The following IGF1R variants were observed in gnomAD, a reference collection of about 807,000 sequenced individuals.
IGF1R encodes the protein insulin like growth factor 1 receptor, also known as insulin-like growth factor 1 receptor.
In IGF1R, 44 loss-of-function variants were observed where a neutral mutation model predicts 144.6. The ratio of observed to expected loss-of-function variants is 0.30; its 90% CI spans 0.24 to 0.39. The LOEUF (loss-of-function observed/expected upper bound fraction) is 0.39. Ranked by LOEUF, IGF1R falls within the 10% of genes least tolerant of loss-of-function variation. The pLI is 1.00. For missense variants in IGF1R, 1,355 were observed against 1,833.7 expected (o/e 0.74, Z 4.77); for synonymous variants, 795 against 722.8 (o/e 1.10, Z -1.60).
At chr15:98,834,978 G>A (rs1047393677) in intron 2 of IGF1R, among the ~76,000 whole-genome samples, 1 of 152,100 alleles carries the variant, frequency 6.6e-6, no homozygotes, top group Admixed American at 6.5e-5. Context: ...GATGGCGAGT[G>A]TTGAGATGTC....
chr15:98,718,986 A>G (rs1265446187), intron 2 of IGF1R, among the ~76,000 whole-genome samples: 3 of 151,808 alleles, frequency 2.0e-5, no homozygotes, highest in Non-Finnish European at 4.4e-5. Context: ...CTATTTCTTG[A>G]CCTCTGAATG....
chr15:98,902,667 G>C (rs1394540138), intron 5 of IGF1R, among the ~76,000 whole-genome samples: 1 of 152,074 alleles, frequency 6.6e-6, no homozygotes, highest in Non-Finnish European at 1.5e-5. Flanking sequence ...GCCCGCCTCA[G>C]CCTCCCAATG....
rs754639884 is a variant in IGF1R, at chr15:98,916,020, G to A, written c.1885G>A (p.Val629Met). The A allele has an allele frequency of 3.7e-6, 6 of 1,614,006 alleles. No homozygotes were observed. The highest frequency in any genetic ancestry group is 1.7e-5 in the Admixed American group (1 of 60,012). Residue 629 changes from valine (V) to methionine (M), a missense_variant, in exon 9 of 21, where the codon GTG becomes ATG. Coordinates refer to ENST00000650285, the MANE Select transcript of IGF1R (RefSeq NM_000875.5). The part of the protein sequence containing the change: ...SASNSSSQLI[V>M]KWNPPSLPNG... Reference sequence around the variant, plus strand: ...ATCGAACTCCTCTTCTCAGTTAATCGTGAAGTGGAACCCTCCCTCTCTGCC... The same window carrying A: ...ATCGAACTCCTCTTCTCAGTTAATCATGAAGTGGAACCCTCCCTCTCTGCC...
At chr15:98,768,775 A>AAAAAAAAAAAAAC in intron 2 of IGF1R, among the ~76,000 whole-genome samples, 1 of 145,360 alleles carries the variant, frequency 6.9e-6, no homozygotes, top group Non-Finnish European at 1.5e-5. Context: ...AAAAAAAAAA[A>AAAAAAAAAAAAAC]AAAAAAGCCG....
chr15:98,727,335 A>G (rs1010559133), intron 2 of IGF1R, among the ~76,000 whole-genome samples: 2 of 152,232 alleles, frequency 1.3e-5, no homozygotes, highest in Non-Finnish European at 2.9e-5. Context: ...TGGTTTTACC[A>G]TGAATTAGGC....
intron 15 of IGF1R, among the ~76,000 whole-genome samples, chr15:98,931,408 TAATG>T (rs1177677054): frequency 6.6e-6 from 1 of 152,228 alleles, no homozygotes; most frequent in Non-Finnish European, 1.5e-5. Flanking sequence ...AATACTTTAA[TAATG>T]TGAAAACACC....
chr15:98,765,543 C>T (rs1485127581), intron 2 of IGF1R, among the ~76,000 whole-genome samples: 7 of 151,738 alleles, frequency 4.6e-5, no homozygotes, highest in Non-Finnish European at 8.8e-5. Flanking sequence ...AGGCTCGTCT[C>T]GAACTCCTGG....
intron 4 of IGF1R, among the ~76,000 whole-genome samples, chr15:98,898,345 T>C (rs761223159): frequency 2.6e-5 from 4 of 152,244 alleles, no homozygotes; most frequent in Non-Finnish European, 4.4e-5. Context: ...TTGGTACATA[T>C]TGATGCATGA....
intron 1 of IGF1R, among the ~76,000 whole-genome samples, chr15:98,685,765 C>T (rs989218447): frequency 6.6e-6 from 1 of 152,218 alleles, no homozygotes; most frequent in Non-Finnish European, 1.5e-5. Context: ...CAGGCATCAG[C>T]GGCTCACCAC....
intron 2 of IGF1R, among the ~76,000 whole-genome samples, chr15:98,862,705 G>A (rs1463060692): frequency 6.6e-6 from 1 of 152,172 alleles, no homozygotes; most frequent in Admixed American, 6.5e-5. Context: ...TTATTGATTT[G>A]CATGTATCCT....
chr15:98,757,093 G>A (rs578151844), intron 2 of IGF1R, among the ~76,000 whole-genome samples: 27 of 152,094 alleles, frequency 1.8e-4, no homozygotes, highest in Non-Finnish European at 3.8e-4. Flanking sequence ...CTTACTGATT[G>A]CATTATAGTC....
chr15:98,919,946 C>T (rs1252949861), intron 10 of IGF1R, among the ~76,000 whole-genome samples: 1 of 152,190 alleles, frequency 6.6e-6, no homozygotes, highest in East Asian at 1.9e-4. Flanking sequence ...GATTTAGTTC[C>T]TTATAAATTG....
intron 2 of IGF1R, among the ~76,000 whole-genome samples, chr15:98,824,853 T>C (rs2056863950): frequency 6.6e-6 from 1 of 152,134 alleles, no homozygotes. Flanking sequence ...TTTTTTTTTT[T>C]TGAAACGGAT....
intron 2 of IGF1R, among the ~76,000 whole-genome samples, chr15:98,772,076 G>GC (rs1363246691): frequency 6.6e-6 from 1 of 152,062 alleles, no homozygotes; most frequent in Non-Finnish European, 1.5e-5. Flanking sequence ...ACACACACTG[G>GC]CCAGTGAGAC....
At chr15:98,869,324 A>AAAC (rs1555454935) in intron 2 of IGF1R, among the ~76,000 whole-genome samples, 8 of 151,742 alleles carry the variant, frequency 5.3e-5, no homozygotes, top group East Asian at 3.9e-4. Flanking sequence ...ACAAAAAAAA[A>AAAC]CACCACATAC....
Position 98,911,296 on chromosome 15 carries a change from G to C in IGF1R, c.1463-19G>C. 1 of 1,614,068 alleles carries C rather than the reference G, an allele frequency of 6.2e-7. No homozygotes were observed. The highest frequency in any genetic ancestry group is 8.5e-7 in the Non-Finnish European group (1 of 1,179,954). ...GACACATGAATCTCTGTCACTCACG[G>C]ATGTACTCTTTGCCCCAGGTGAAAG... On this transcript the variant is annotated intron_variant, in intron 6 of 20. Coordinates refer to ENST00000650285, the MANE Select transcript of IGF1R (RefSeq NM_000875.5).
intron 2 of IGF1R, among the ~76,000 whole-genome samples, chr15:98,731,481 G>A (rs2054495479): frequency 1.3e-5 from 2 of 152,184 alleles, no homozygotes; most frequent in South Asian, 4.1e-4. Context: ...CTTTCCAAAA[G>A]ATGGGTTATG....
intron 1 of IGF1R, among the ~76,000 whole-genome samples, chr15:98,671,270 T>C (rs1407255299): frequency 1.3e-5 from 2 of 152,240 alleles, no homozygotes; most frequent in African/African-American, 4.8e-5. Context: ...AAAGTGACCA[T>C]TGTTTTTAAT....
intron 2 of IGF1R, among the ~76,000 whole-genome samples, chr15:98,769,926 C>A (rs2055540917): frequency 6.6e-6 from 1 of 152,080 alleles, no homozygotes. Context: ...TATCCCCTTC[C>A]GTCTGCTGGA....
Sources: gnomAD v4.1 joint callset for allele counts (sites outside exome capture counted in the v4.1 genomes callset) on GRCh38, gnomAD v4.1.1 for gene constraint, MANE v1.5 for transcripts, NCBI Gene and HGNC (gene_info 2026-07-23, HGNC 2026-07-21) for gene names.